The following NOX4 variants were observed in gnomAD, a reference collection of about 807,000 sequenced individuals.
NOX4 encodes the protein kidney oxidase-1.
A neutral mutation model predicts 87.6 loss-of-function variants in NOX4; 69 were observed. That is an observed-to-expected ratio of 0.79 (90% CI 0.65 to 0.96). NOX4 has a LOEUF of 0.96. Ranked by LOEUF, NOX4 falls within the 40% of genes least tolerant of loss-of-function variation. The pLI is 0.00. For synonymous variants in NOX4, 275 were observed against 238.2 expected (o/e 1.15, Z -1.42); for missense variants, 680 against 681.5 (o/e 1.00, Z 0.02).
At chr11:89,530,922 TGAA>T in the NOX4 span, among the ~76,000 whole-genome samples, 9 of 152,208 alleles carry the variant, frequency 5.9e-5, no homozygotes, top group African/African-American at 2.2e-4. Flanking sequence ...AGAGTGAAGG[TGAA>T]GAGAGATTTC....
At chr11:89,434,602 T>A (rs1943985166) in intron 6 of NOX4, among the ~76,000 whole-genome samples, 1 of 151,614 alleles carries the variant, frequency 6.6e-6, no homozygotes, top group African/African-American at 2.4e-5. Flanking sequence ...CCATTGCACT[T>A]CCAAGTGTTT....
the NOX4 span, among the ~76,000 whole-genome samples, chr11:89,520,004 T>C: frequency 1.3e-5 from 2 of 152,030 alleles, no homozygotes; most frequent in African/African-American, 2.4e-5. Flanking sequence ...CTATGTTCAT[T>C]ACTTGGACCA....
chr11:89,472,419 G>C (rs1200808380), intron 2 of NOX4, among the ~76,000 whole-genome samples: 1 of 151,782 alleles, frequency 6.6e-6, no homozygotes, highest in African/African-American at 2.4e-5. Flanking sequence ...AGAAAAAAAA[G>C]GTGTAATTTT....
At chr11:89,532,381 G>A in the NOX4 span, among the ~76,000 whole-genome samples, 1 of 152,204 alleles carries the variant, frequency 6.6e-6, no homozygotes, top group Non-Finnish European at 1.5e-5. Context: ...AGTCAAAGGA[G>A]ACTATTTTGG....
chr11:89,368,801 T>C (rs549238881), intron 12 of NOX4, among the ~76,000 whole-genome samples: 1 of 152,176 alleles, frequency 6.6e-6, no homozygotes, highest in Non-Finnish European at 1.5e-5. Context: ...CAGACATGAC[T>C]TCACTGACTA....
intron 2 of NOX4, among the ~76,000 whole-genome samples, chr11:89,452,189 A>G (rs1261423593): frequency 6.6e-6 from 1 of 152,016 alleles, no homozygotes; most frequent in African/African-American, 2.4e-5. Flanking sequence ...CCCCTACCCC[A>G]TTGTTCTGGC....
chr11:89,481,765 T>G (rs910267959), intron 2 of NOX4, among the ~76,000 whole-genome samples: 1 of 152,066 alleles, frequency 6.6e-6, no homozygotes, highest in African/African-American at 2.4e-5. Context: ...AGCATTTAAC[T>G]ATATGAAATT....
chr11:89,453,842 A>C (rs1157561082), intron 2 of NOX4, among the ~76,000 whole-genome samples: 7 of 152,174 alleles, frequency 4.6e-5, no homozygotes, highest in African/African-American at 1.7e-4. Flanking sequence ...TCATGCTGCT[A>C]AATTGCCTTT....
chr11:89,571,739 G>A, the NOX4 span, among the ~76,000 whole-genome samples: 2 of 150,434 alleles, frequency 1.3e-5, no homozygotes, highest in Admixed American at 6.6e-5. Context: ...TAAGCCAAGG[G>A]AAAATTCAAG....
intron 12 of NOX4, among the ~76,000 whole-genome samples, chr11:89,372,521 CT>C (rs1939521008): frequency 6.6e-6 from 1 of 151,910 alleles, no homozygotes; most frequent in Non-Finnish European, 1.5e-5. Flanking sequence ...TAATCATTGC[CT>C]TTCCTGATTT....
intron 11 of NOX4, among the ~76,000 whole-genome samples, chr11:89,382,323 A>G (rs1052345356): frequency 2.6e-5 from 4 of 151,950 alleles, no homozygotes; most frequent in African/African-American, 9.7e-5. Context: ...TAAATGCCTT[A>G]TTTTCTTCTG....
chr11:89,350,244 C>G (rs1225319386), intron 13 of NOX4, among the ~76,000 whole-genome samples: 5 of 152,046 alleles, frequency 3.3e-5, no homozygotes, highest in Non-Finnish European at 5.9e-5. Flanking sequence ...AAGAGTGTTC[C>G]CAAGCACCAT....
At position 89,393,730 on chromosome 11, in the gene NOX4, C is replaced by T. The variant is rs557874203; in HGVS notation, c.1074+6287G>A. On this transcript the variant is annotated intron_variant, in intron 11 of 17. Transcript: ENST00000263317. ...CTAATATTGACAATATCAAAGATGC[C>T]CTTCCAGGTAAGTATCACTAGCACT... Among the ~76,000 whole-genome samples, 179 of 151,974 alleles carry T rather than the reference C, an allele frequency of 1.2e-3. 1 individual carries two copies. The highest frequency in any genetic ancestry group is 4.0e-3 in the African/African-American group (166 of 41,464).
chr11:89,580,866 T>C, the NOX4 span, among the ~76,000 whole-genome samples: 8 of 152,144 alleles, frequency 5.3e-5, no homozygotes, highest in Non-Finnish European at 1.2e-4. Flanking sequence ...ACAGTTCCTG[T>C]GAAACATGGA....
intron 11 of NOX4, among the ~76,000 whole-genome samples, chr11:89,391,930 C>T (rs974980865): frequency 8.1e-5 from 12 of 148,876 alleles, no homozygotes; most frequent in African/African-American, 3.0e-4. Context: ...TTCCCTTCCC[C>T]TTCCCCTTCC....
rs1945168208 is a variant in NOX4, at chr11:89,325,095, A to G, written c.*1661T>C. On this transcript the variant is annotated 3_prime_UTR_variant, in exon 18 of 18. Coordinates refer to ENST00000263317, the MANE Select transcript of NOX4 (RefSeq NM_016931.5). ...GCCGACTACTAAACAAAATCACTAAACTGTATGAATGCTTTAATTCTTTTT... is the reference window on the plus strand; with the variant it reads ...GCCGACTACTAAACAAAATCACTAAGCTGTATGAATGCTTTAATTCTTTTT... The G allele has an allele frequency of 6.9e-6, 1 of 145,208 alleles. No individual in the cohort carries two copies. The highest frequency in any genetic ancestry group is 1.5e-5 in the Non-Finnish European group (1 of 67,080). The allele number at this position is 145,208 out of a possible 1,614,324, so 9.0% of individuals were successfully genotyped here.
chr11:89,356,057 C>T (rs1938020405), intron 12 of NOX4, among the ~76,000 whole-genome samples: 1 of 152,024 alleles, frequency 6.6e-6, no homozygotes, highest in Non-Finnish European at 1.5e-5. Flanking sequence ...CCGCAGATTG[C>T]ATGTAACAGA....
At chr11:89,558,960 A>G in the NOX4 span, among the ~76,000 whole-genome samples, 7 of 152,150 alleles carry the variant, frequency 4.6e-5, no homozygotes, top group South Asian at 1.2e-3. Flanking sequence ...ACCTAAATTT[A>G]ATTACACATC....
chr11:89,521,539 A>G, the NOX4 span, among the ~76,000 whole-genome samples: 1 of 152,080 alleles, frequency 6.6e-6, no homozygotes, highest in Non-Finnish European at 1.5e-5. Flanking sequence ...TTCAAGATGG[A>G]CTAAAGATTT....
Sources: gnomAD v4.1 joint callset for allele counts (sites outside exome capture counted in the v4.1 genomes callset) on GRCh38, gnomAD v4.1.1 for gene constraint, MANE v1.5 for transcripts, NCBI Gene and HGNC (gene_info 2026-07-23, HGNC 2026-07-21) for gene names.